COL4A4: variants seen among roughly 807,000 people sequenced by gnomAD.
COL4A4 encodes the protein collagen alpha-4(IV) chain.
A neutral mutation model predicts 192.9 loss-of-function variants in COL4A4; 105 were observed. The ratio of observed to expected loss-of-function variants is 0.54; its 90% CI spans 0.46 to 0.64. COL4A4 has a LOEUF of 0.64. Ranked by LOEUF, COL4A4 falls within the 30% of genes least tolerant of loss-of-function variation. The pLI is 0.00. For missense variants in COL4A4, 1,967 were observed against 2,169.3 expected (o/e 0.91, Z 1.85); for synonymous variants, 762 against 769.9 (o/e 0.99, Z 0.17).
At chr2:227,142,314 A>G (rs2063272363) in intron 3 of COL4A4, among the ~76,000 whole-genome samples, 1 of 152,250 alleles carries the variant, frequency 6.6e-6, no homozygotes, top group South Asian at 2.1e-4. Context: ...AATATTTCAG[A>G]CAATTAAACA....
intron 37 of COL4A4, 44 bp downstream of exon 37, chr2:227,042,104 T>A (rs777937404): frequency 8.1e-7 from 1 of 1,238,228 alleles, no homozygotes; most frequent in Admixed American, 1.7e-5. Flanking sequence ...TTTGCCCTCA[T>A]TGGGCTGCAT....
chr2:227,003,688 C>T lies in COL4A4; in HGVS notation c.*3637G>A, dbSNP rs1179453819. 1 of 152,140 alleles carries T rather than the reference C, an allele frequency of 6.6e-6. No individual in the cohort carries two copies. Among genetic ancestry groups the T allele is most frequent in the Admixed American group, 6.5e-5 (1 of 15,278 alleles). 9.4% of individuals were successfully genotyped at this position (152,140 alleles called of 1,614,324 possible). ...GGAGCACCAATAACATGTACACAAA[C>T]GTTTAGCAAAGATTTTATGCTAGGA... On this transcript the variant is annotated 3_prime_UTR_variant, in exon 48 of 48. Coordinates refer to ENST00000396625, the MANE Select transcript of COL4A4 (RefSeq NM_000092.5).
chr2:227,076,939 A>C (rs1288042058), intron 25 of COL4A4, among the ~76,000 whole-genome samples: 1 of 152,236 alleles, frequency 6.6e-6, no homozygotes, highest in African/African-American at 2.4e-5. Context: ...CCACAATGAG[A>C]TACCATCTCA....
chr2:227,008,281 C>T lies in COL4A4; in HGVS notation c.4546G>A (p.Val1516Ile), dbSNP rs199517662. 1.9e-5 allele frequency: 31 copies of T among 1,614,198 alleles called. 1 individual carries two copies. In the East Asian group the frequency reaches 4.7e-4, roughly 24 times the overall value. ...DLGLAGSCLP[V>I]FSTLPFAYCN... ...TAGGCAAAGGGCAGCGTGCTAAATA[C>T]GGGAAGGCAAGACCCTGCCAGACCT... Residue 1516 changes from valine (V) to isoleucine (I), a missense_variant, in exon 47 of 48, where the codon GTA (valine) becomes ATA (isoleucine). By Grantham distance (29) the Val-to-Ile change is conservative (BLOSUM62 3). Coordinates refer to ENST00000396625, the MANE Select transcript of COL4A4 (RefSeq NM_000092.5).
At chr2:227,080,357 C>A (rs894807702) in intron 24 of COL4A4, 86 bp downstream of exon 24, 3 of 1,233,914 alleles carry the variant, frequency 2.4e-6, no homozygotes, top group Non-Finnish European at 3.6e-6. Context: ...TGAATTTCAG[C>A]TTGGCAAATA....
chr2:227,016,399 G>A (rs776148149), intron 44 of COL4A4, among the ~76,000 whole-genome samples: 54 of 152,196 alleles, frequency 3.5e-4, no homozygotes, highest in Admixed American at 1.0e-3. Context: ...AGCTTCTTAC[G>A]GTCTCTATAA....
chr2:227,063,891 G>A (rs1470304553), intron 25 of COL4A4, among the ~76,000 whole-genome samples: 1 of 151,898 alleles, frequency 6.6e-6, no homozygotes, highest in African/African-American at 2.4e-5. Flanking sequence ...ACTGAGAAAT[G>A]AAGGAAAAGC....
intron 11 of COL4A4, 53 bp from the exon 12 acceptor site, chr2:227,108,675 T>C: frequency 1.9e-6 from 3 of 1,596,806 alleles, no homozygotes; most frequent in Non-Finnish European, 2.6e-6. Context: ...AAAAAAGTAA[T>C]TAAAAGCAAT....
chr2:227,154,061 G>T (rs79995886), intron 1 of COL4A4, among the ~76,000 whole-genome samples: 1,564 of 152,172 alleles, frequency 0.01, 56 homozygotes, highest in Admixed American at 0.063. Context: ...AGCACCCTGG[G>T]CCTTTGAAGT....
intron 26 of COL4A4, among the ~76,000 whole-genome samples, chr2:227,061,647 G>C (rs1206519261): frequency 6.6e-6 from 1 of 152,230 alleles, no homozygotes; most frequent in Non-Finnish European, 1.5e-5. Context: ...TTTGATGGTA[G>C]AGAGAGTAAC....
At chr2:227,106,710 C>A (rs1037823944) in intron 12 of COL4A4, among the ~76,000 whole-genome samples, 2 of 152,074 alleles carry the variant, frequency 1.3e-5, no homozygotes, top group African/African-American at 4.8e-5. Flanking sequence ...GGACTACAGG[C>A]ACACGCCACC....
At chr2:227,081,769 G>A (rs2059339400) in intron 23 of COL4A4, among the ~76,000 whole-genome samples, 2 of 152,108 alleles carry the variant, frequency 1.3e-5, no homozygotes, top group African/African-American at 2.4e-5. Context: ...ATTTCAAGCT[G>A]GGCTTCTTTC....
chr2:227,024,331 C>T (rs1479896825), intron 43 of COL4A4, among the ~76,000 whole-genome samples: 3 of 152,252 alleles, frequency 2.0e-5, no homozygotes, highest in Non-Finnish European at 2.9e-5. Context: ...GGCAACAGGG[C>T]GAAGCCCCAT....
the COL4A4 span, chr2:226,997,210 T>TA: frequency 6.6e-6 from 1 of 152,354 alleles, no homozygotes; most frequent in South Asian, 2.1e-4. Flanking sequence ...ACATCTTCTT[T>TA]ATAATATAAA....
intron 44 of COL4A4, among the ~76,000 whole-genome samples, chr2:227,014,940 C>T (rs1377092977): frequency 1.4e-5 from 2 of 142,598 alleles, no homozygotes; most frequent in Non-Finnish European, 3.0e-5. Context: ...TCTCTGTTGG[C>T]CATGCTGGAG....
chr2:227,003,511 A>G lies in COL4A4; in HGVS notation c.*3814T>C, dbSNP rs922569045. On this transcript the variant is annotated 3_prime_UTR_variant, in exon 48 of 48. Transcript: ENST00000396625. ...GCAGCCATACCAAGTAAAAGTAACA[A>G]TTATCAGATTATTCCAGTGAGCTGA... is the stretch of plus-strand genomic sequence containing the variant. The G allele has an allele frequency of 3.3e-5, 5 of 152,194 alleles. No homozygotes were observed. The highest frequency in any genetic ancestry group is 7.3e-5 in the Non-Finnish European group (5 of 68,034). The allele number at this position is 152,194 out of a possible 1,614,324, so 9.4% of individuals were successfully genotyped here.
intron 31 of COL4A4, among the ~76,000 whole-genome samples, chr2:227,054,100 C>T (rs1974792194): frequency 6.6e-6 from 1 of 152,102 alleles, no homozygotes; most frequent in African/African-American, 2.4e-5. Flanking sequence ...CCATAAATAC[C>T]ATCTTACTGA....
intron 19 of COL4A4, among the ~76,000 whole-genome samples, chr2:227,098,238 T>A (rs934399598): frequency 6.6e-6 from 1 of 152,206 alleles, no homozygotes; most frequent in African/African-American, 2.4e-5. Context: ...TACAAGTAGA[T>A]GTCAACAGGG....
chr2:227,092,748 ACT>A (rs2060006474), intron 20 of COL4A4, among the ~76,000 whole-genome samples: 1 of 152,166 alleles, frequency 6.6e-6, no homozygotes. Flanking sequence ...TTCAGTGTAA[ACT>A]CTGAATATTT....
Sources: gnomAD v4.1 joint callset for allele counts (sites outside exome capture counted in the v4.1 genomes callset) on GRCh38, gnomAD v4.1.1 for gene constraint, MANE v1.5 for transcripts, NCBI Gene and HGNC (gene_info 2026-07-23, HGNC 2026-07-21) for gene names.